Variants in CEP112 observed in about 807,000 individuals in gnomAD.
The protein encoded by CEP112 is centrosomal protein 112, also known as centrosomal protein of 112 kDa.
CEP112 carries 127 observed loss-of-function variants against 153.0 expected under a neutral mutation model. The observed-to-expected ratio is 0.83, with a 90% CI of 0.72 to 0.96. CEP112 has a LOEUF of 0.96. Among genes scored for constraint, CEP112 ranks in the 40% least tolerant of loss-of-function variants. CEP112 has a pLI of 0.00. For missense variants in CEP112, 1,089 were observed against 1,101.2 expected, an observed-to-expected ratio of 0.99 and a Z score of 0.16; for synonymous variants, 358 against 374.4, an observed-to-expected ratio of 0.96 and a Z score of 0.51.
At chr17:65,660,719 AT>A (rs11287795) in intron 24 of CEP112, among the ~76,000 whole-genome samples, 106,252 of 150,632 alleles carry the variant, frequency 0.71, 39,219 homozygotes, top group African/African-American at 0.92. Context: ...TAATTTTTGT[AT>A]TTTTTTTTGT....
At position 66,096,635 on chromosome 17, in the gene CEP112, G is replaced by A; in HGVS notation, c.643-3C>T. On this transcript the variant is annotated splice_polypyrimidine_tract_variant and splice_region_variant and intron_variant, in intron 6 of 26. Coordinates refer to ENST00000535342, the MANE Select transcript of CEP112 (RefSeq NM_001199165.4). ...CTCAGGTATCGAGGATTTTCTATCT[G>A]AAAATTTAAAAATAAAACAAAATAA... The A allele has an allele frequency of 6.4e-7, 1 of 1,564,736 alleles. No homozygotes were observed. Among genetic ancestry groups the A allele is most frequent in the Non-Finnish European group, 8.8e-7 (1 of 1,142,416 alleles).
At chr17:65,726,164 C>T (rs1456297404) in intron 23 of CEP112, among the ~76,000 whole-genome samples, 1 of 151,926 alleles carries the variant, frequency 6.6e-6, no homozygotes, top group African/African-American at 2.4e-5. Flanking sequence ...CATGGTGAAA[C>T]CCCGTCTCTA....
intron 6 of CEP112, 112 bp from the exon 7 acceptor site, chr17:66,096,744 A>G: frequency 1.4e-6 from 1 of 710,776 alleles, no homozygotes; most frequent in Non-Finnish European, 2.4e-6. Flanking sequence ...TAGATTCTTA[A>G]TATTTAATTC....
At chr17:65,854,587 C>T (rs769065048) in intron 20 of CEP112, among the ~76,000 whole-genome samples, 1 of 152,184 alleles carries the variant, frequency 6.6e-6, no homozygotes, top group Non-Finnish European at 1.5e-5. Flanking sequence ...TTTTATCCTG[C>T]CTTTCTAAGA....
At chr17:66,130,794 C>A (rs12150301) in intron 5 of CEP112, among the ~76,000 whole-genome samples, 63,917 of 135,730 alleles carry the variant, frequency 0.47, 16,201 homozygotes, top group Non-Finnish European at 0.52. Context: ...AAAAAAAAAA[C>A]ACACACAATT....
At chr17:65,744,449 A>G (rs1366782234) in intron 22 of CEP112, among the ~76,000 whole-genome samples, 4 of 151,504 alleles carry the variant, frequency 2.6e-5, no homozygotes, top group East Asian at 2.0e-4. Flanking sequence ...GTTTCACCAT[A>G]TTGGCCAGAC....
intron 4 of CEP112, among the ~76,000 whole-genome samples, chr17:66,149,869 T>G (rs538901641): frequency 1.0e-3 from 88 of 86,592 alleles, no homozygotes; most frequent in Middle Eastern, 5.4e-3. Flanking sequence ...AAATTTAGGG[T>G]TTTTTTTTTT....
intron 20 of CEP112, among the ~76,000 whole-genome samples, chr17:65,884,691 A>G (rs2059206522): frequency 7.1e-6 from 1 of 141,280 alleles, no homozygotes; most frequent in Non-Finnish European, 1.6e-5. Flanking sequence ...TAGTTTGGAT[A>G]TTAGTTTGTA....
intron 24 of CEP112, among the ~76,000 whole-genome samples, chr17:65,661,247 CCTCCCA>C (rs1279129743): frequency 6.6e-6 from 1 of 152,152 alleles, no homozygotes; most frequent in African/African-American, 2.4e-5. Context: ...TCCACCACAC[CCTCCCA>C]CAGCCTTCTA....
intron 8 of CEP112, among the ~76,000 whole-genome samples, chr17:66,094,790 A>G (rs375788109): frequency 7.2e-5 from 11 of 152,308 alleles, no homozygotes; most frequent in African/African-American, 2.6e-4. Context: ...TGGAACTCAA[A>G]CAACTCAATG....
intron 6 of CEP112, among the ~76,000 whole-genome samples, chr17:66,127,624 C>T (rs556249216): frequency 1.3e-5 from 2 of 152,214 alleles, no homozygotes; most frequent in Admixed American, 1.3e-4. Flanking sequence ...CTGCTCTCCA[C>T]CCAGACCTCC....
chr17:65,875,683 A>T (rs545858067), intron 20 of CEP112, among the ~76,000 whole-genome samples: 1 of 152,136 alleles, frequency 6.6e-6, no homozygotes, highest in Non-Finnish European at 1.5e-5. Context: ...ATTATGTAGC[A>T]TCTTTTAATT....
At chr17:66,058,768 C>A (rs1469505825) in intron 11 of CEP112, among the ~76,000 whole-genome samples, 2 of 152,186 alleles carry the variant, frequency 1.3e-5, no homozygotes, top group African/African-American at 4.8e-5. Context: ...AGGAGGATCA[C>A]TTGAGCCCAG....
chr17:66,064,431 G>T (rs936090105), intron 10 of CEP112, among the ~76,000 whole-genome samples: 5 of 152,128 alleles, frequency 3.3e-5, no homozygotes, highest in African/African-American at 1.2e-4. Context: ...TGATTTAAGT[G>T]AAAATGTGTT....
intron 23 of CEP112, among the ~76,000 whole-genome samples, chr17:65,690,281 C>G (rs2048040613): frequency 6.6e-6 from 1 of 151,640 alleles, no homozygotes; most frequent in African/African-American, 2.4e-5. Flanking sequence ...ATTTAATTAG[C>G]TGGGTGTGGG....
At position 66,028,933 on chromosome 17, in the gene CEP112, C is replaced by T. The variant is rs2065340605; in HGVS notation, c.1503+190G>A. Reference sequence around the variant, plus strand: ...CAGTTTATTAAATATTTGTGTTGTGCTATATAGTAGACATTTCGAATTTTA... The same window carrying T: ...CAGTTTATTAAATATTTGTGTTGTGTTATATAGTAGACATTTCGAATTTTA... On this transcript the variant is annotated intron_variant, in intron 14 of 26. Transcript: ENST00000535342. Among the ~76,000 whole-genome samples the T allele has an allele frequency of 2.0e-5, 3 of 152,082 alleles. No individual in the cohort carries two copies. In the East Asian group the frequency reaches 5.8e-4, roughly 29 times the overall value.
chr17:65,999,640 T>C (rs1225888677), intron 17 of CEP112, among the ~76,000 whole-genome samples: 1 of 151,854 alleles, frequency 6.6e-6, no homozygotes, highest in Admixed American at 6.6e-5. Context: ...TGTCATGGGG[T>C]TTGTTGTACA....
chr17:65,997,104 G>A (rs537685593), intron 17 of CEP112, among the ~76,000 whole-genome samples: 46 of 152,166 alleles, frequency 3.0e-4, no homozygotes, highest in Non-Finnish European at 6.5e-4. Context: ...CCAGCTACTC[G>A]GGAGACTGAG....
intron 20 of CEP112, among the ~76,000 whole-genome samples, 185 bp downstream of exon 20, chr17:65,901,967 T>C (rs2059865468): frequency 1.0e-5 from 1 of 98,596 alleles, no homozygotes; most frequent in Non-Finnish European, 1.8e-5. Context: ...TAGTTAAGGC[T>C]TTATTCATCC....
Sources: gnomAD v4.1 joint callset for allele counts (sites outside exome capture counted in the v4.1 genomes callset) on GRCh38, gnomAD v4.1.1 for gene constraint, MANE v1.5 for transcripts, NCBI Gene and HGNC (gene_info 2026-07-23, HGNC 2026-07-21) for gene names.